Variants in CNTN1 observed in about 807,000 individuals in gnomAD.
The protein encoded by CNTN1 is contactin-1.
Under a neutral mutation model 126.4 loss-of-function variants are expected in CNTN1, and 38 were observed. That is an observed-to-expected ratio of 0.30 (90% CI 0.23 to 0.39). The LOEUF is 0.39. Among genes scored for constraint, CNTN1 ranks in the 10% least tolerant of loss-of-function variants. The pLI is 1.00. For synonymous variants in CNTN1, 413 were observed against 422.6 expected, an observed-to-expected ratio of 0.98 and a Z score of 0.28; for missense variants, 1,009 against 1,248.4, an observed-to-expected ratio of 0.81 and a Z score of 2.89.
chr12:40,916,788 AT>A (rs1945260937), intron 3 of CNTN1, among the ~76,000 whole-genome samples: 4 of 152,116 alleles, frequency 2.6e-5, no homozygotes, highest in African/African-American at 9.6e-5. Flanking sequence ...TCTTTTCTGA[AT>A]GTACGAGCCC....
chr12:40,991,598 G>A (rs1353020612), intron 16 of CNTN1, among the ~76,000 whole-genome samples: 8 of 152,190 alleles, frequency 5.3e-5, no homozygotes, highest in Non-Finnish European at 7.3e-5. Context: ...GGGAGGCCAA[G>A]GTGGGTGGAT....
intron 19 of CNTN1, among the ~76,000 whole-genome samples, chr12:41,017,703 A>T (rs1948812413): frequency 6.6e-6 from 1 of 152,184 alleles, no homozygotes; most frequent in Admixed American, 6.5e-5. Context: ...TATTTATACA[A>T]ATGATACACA....
rs1001609413 is a variant in CNTN1 at position 40,738,849 on chromosome 12, G to A, written c.-77+46257G>A. ...GCAGTGGAGAGTTGTACCTGTAGTC[G>A]ATGGGATTTTGAACTAGTAAAAGCA... is the stretch of plus-strand genomic sequence containing the variant. On this transcript the variant is annotated intron_variant, in intron 1 of 23. Transcript: ENST00000551295. Among the ~76,000 whole-genome samples the A allele has an allele frequency of 2.0e-5, 3 of 152,016 alleles. No individual in the cohort carries two copies. In the East Asian group the frequency reaches 5.8e-4, roughly 29 times the overall value.
chr12:40,746,345 T>G (rs1938182756), intron 1 of CNTN1, among the ~76,000 whole-genome samples: 1 of 152,128 alleles, frequency 6.6e-6, no homozygotes. Flanking sequence ...ATATAAGCCA[T>G]TATCATATAT....
At chr12:40,787,089 A>G (rs1414418392) in intron 1 of CNTN1, among the ~76,000 whole-genome samples, 1 of 152,190 alleles carries the variant, frequency 6.6e-6, no homozygotes, top group Non-Finnish European at 1.5e-5. Context: ...ATCTGCCTCT[A>G]TATCAAGTTA....
intron 14 of CNTN1, among the ~76,000 whole-genome samples, chr12:40,949,418 ACC>A (rs538536696): frequency 1.4e-4 from 12 of 83,100 alleles, no homozygotes; most frequent in Non-Finnish European, 2.1e-4. Context: ...TGCTATCCCT[ACC>A]CCCCCTCCCC....
intron 1 of CNTN1, among the ~76,000 whole-genome samples, chr12:40,774,100 A>G (rs1041420900): frequency 5.3e-5 from 8 of 151,766 alleles, no homozygotes; most frequent in Admixed American, 1.3e-4. Flanking sequence ...ATGAGCAAAA[A>G]CATGTAATTC....
rs113450310 is a variant in CNTN1, at chr12:40,936,764, TG to T, written c.986-16del. The T allele has an allele frequency of 5.6e-4, 901 of 1,612,474 alleles. 6 individuals are homozygous for T. In the African/African-American group the frequency reaches 0.011, roughly 20 times the overall value. On this transcript the variant is annotated splice_polypyrimidine_tract_variant and intron_variant, in intron 9 of 23. Coordinates refer to ENST00000551295, the MANE Select transcript of CNTN1 (RefSeq NM_001843.4). ...TGAGCCCTTCATTTAACATTTACAA[TG>T]TTCCTTACTTTTTAGCATTCCCTGA...
At chr12:40,797,463 G>T (rs1940480714) in intron 1 of CNTN1, among the ~76,000 whole-genome samples, 1 of 151,980 alleles carries the variant, frequency 6.6e-6, no homozygotes. Context: ...AGGATAGAGT[G>T]GGAGAGTGCC....
intron 1 of CNTN1, 129 bp downstream of exon 1, chr12:40,692,721 C>A (rs886077033): frequency 6.5e-6 from 1 of 153,890 alleles, no homozygotes; most frequent in Admixed American, 6.5e-5. Flanking sequence ...CTGCAGCTCT[C>A]GCCGTGCGGC....
At chr12:40,693,693 A>G (rs1382882256) in intron 1 of CNTN1, among the ~76,000 whole-genome samples, 1 of 152,100 alleles carries the variant, frequency 6.6e-6, no homozygotes, top group African/African-American at 2.4e-5. Flanking sequence ...AGGTGGAGCT[A>G]TATATAGCTC....
chr12:40,820,830 C>T (rs1438027900), intron 1 of CNTN1, among the ~76,000 whole-genome samples: 4 of 152,136 alleles, frequency 2.6e-5, no homozygotes, highest in Non-Finnish European at 5.9e-5. Context: ...TGCCATTCTT[C>T]CCAGTGATTT....
At chr12:40,956,022 C>T (rs1246942120) in intron 14 of CNTN1, among the ~76,000 whole-genome samples, 1 of 152,076 alleles carries the variant, frequency 6.6e-6, no homozygotes, top group Non-Finnish European at 1.5e-5. Flanking sequence ...GTGTACTTCA[C>T]TCTCACACAA....
intron 1 of CNTN1, among the ~76,000 whole-genome samples, chr12:40,856,527 A>C (rs1055592538): frequency 6.6e-6 from 1 of 152,124 alleles, no homozygotes; most frequent in South Asian, 2.1e-4. Flanking sequence ...CTCTGCAGTC[A>C]TCAGCCACAA....
intron 1 of CNTN1, among the ~76,000 whole-genome samples, chr12:40,750,113 G>A (rs1592045984): frequency 6.6e-6 from 1 of 152,076 alleles, no homozygotes; most frequent in South Asian, 2.1e-4. Flanking sequence ...AATGGAGACA[G>A]TATTAACAGC....
intron 20 of CNTN1, among the ~76,000 whole-genome samples, chr12:41,021,451 G>C (rs1470199138): frequency 6.6e-6 from 1 of 151,948 alleles, no homozygotes; most frequent in Non-Finnish European, 1.5e-5. Flanking sequence ...TATTCTCAGT[G>C]CCATGCAAGA....
At chr12:40,712,344 T>C (rs1320904706) in intron 1 of CNTN1, among the ~76,000 whole-genome samples, 1 of 152,210 alleles carries the variant, frequency 6.6e-6, no homozygotes, top group Non-Finnish European at 1.5e-5. Flanking sequence ...CTAGGCCATA[T>C]GATTTTCTGT....
intron 23 of CNTN1, among the ~76,000 whole-genome samples, chr12:41,041,582 A>T (rs1188954259): frequency 6.6e-6 from 1 of 152,090 alleles, no homozygotes; most frequent in Non-Finnish European, 1.5e-5. Flanking sequence ...GATTATTGCC[A>T]CAATTTCAGA....
At chr12:40,931,908 C>A (rs1454059743) in intron 7 of CNTN1, among the ~76,000 whole-genome samples, 1 of 151,940 alleles carries the variant, frequency 6.6e-6, no homozygotes, top group African/African-American at 2.4e-5. Flanking sequence ...GATTCTGCCT[C>A]TAAAATACAA....
Sources: allele counts gnomAD v4.1 joint callset (sites outside exome capture counted in the v4.1 genomes callset), GRCh38; gene constraint gnomAD v4.1.1; transcripts MANE v1.5; gene names NCBI Gene and HGNC (gene_info 2026-07-23, HGNC 2026-07-21).